SLC1A2: variants seen among roughly 807,000 people sequenced by gnomAD.
SLC1A2 encodes solute carrier family 1 member 2, also known as excitatory amino acid transporter 2.
A neutral mutation model predicts 48.8 loss-of-function variants in SLC1A2; 15 were observed. The observed-to-expected ratio is 0.31, with a 90% CI of 0.21 to 0.47. The LOEUF (loss-of-function observed/expected upper bound fraction) is 0.47, where lower values mean the gene tolerates loss of function less well. Among genes scored for constraint, SLC1A2 ranks in the 20% least tolerant of loss-of-function variants. The probability of loss-of-function intolerance (pLI) is 0.99; values close to 1 mark genes in which losing one functional copy is unlikely to be tolerated. For synonymous variants in SLC1A2, 279 were observed against 272.6 expected (o/e 1.02, Z -0.23); for missense variants, 502 against 730.5 (o/e 0.69, Z 3.61).
At chr11:35,361,270 C>G (rs182294043) in intron 1 of SLC1A2, among the ~76,000 whole-genome samples, 1 of 152,318 alleles carries the variant, frequency 6.6e-6, no homozygotes, top group Non-Finnish European at 1.5e-5. Context: ...ATTAAAGGCT[C>G]TGAGAAATTC....
chr11:35,350,484 A>G (rs1234655865), intron 1 of SLC1A2, among the ~76,000 whole-genome samples: 1 of 152,230 alleles, frequency 6.6e-6, no homozygotes, highest in African/African-American at 2.4e-5. Flanking sequence ...AAGAAGGGCT[A>G]AGGTTGTGAA....
At chr11:35,399,822 G>A (rs1192968669) in intron 1 of SLC1A2, 1 of 152,506 alleles carries the variant, frequency 6.6e-6, no homozygotes, top group African/African-American at 2.4e-5. Context: ...TAGAGAATGT[G>A]CTACAGTTTA....
At chr11:35,376,328 A>G (rs1854227597) in intron 1 of SLC1A2, among the ~76,000 whole-genome samples, 1 of 152,232 alleles carries the variant, frequency 6.6e-6, no homozygotes, top group Admixed American at 6.5e-5. Context: ...GGATCCTAGA[A>G]CAGAGAGAGA....
In SLC1A2 at chr11:35,258,037, C is replaced by G. The variant is rs1044428912; in HGVS notation, c.*2857G>C. The G allele has an allele frequency of 5.9e-5, 9 of 152,122 alleles. No individual in the cohort carries two copies. The highest frequency in any genetic ancestry group is 1.0e-4 in the Non-Finnish European group (7 of 68,020). The allele number at this position is 152,122 out of a possible 1,614,324, so 9.4% of individuals were successfully genotyped here. ...GAGGTATACCCTGGATCCATTTGTT[C>G]TGTTTATGGCACATATGCTGGGCAA... On this transcript the variant is annotated 3_prime_UTR_variant, in exon 11 of 11. Coordinates refer to ENST00000278379, the MANE Select transcript of SLC1A2 (RefSeq NM_004171.4).
intron 4 of SLC1A2, among the ~76,000 whole-genome samples, chr11:35,311,929 G>A (rs1465749035): frequency 5.0e-5 from 1 of 20,128 alleles, no homozygotes; most frequent in Non-Finnish European, 1.5e-4. Context: ...AGAGGCGGGG[G>A]GGGGGGGTGG....
intron 9 of SLC1A2, among the ~76,000 whole-genome samples, chr11:35,269,527 G>C (rs1347643661): frequency 1.3e-5 from 2 of 152,142 alleles, no homozygotes; most frequent in African/African-American, 4.8e-5. Flanking sequence ...TTATGCTAAA[G>C]GGTTAATGAC....
chr11:35,275,266 A>G (rs1429765272), intron 9 of SLC1A2, among the ~76,000 whole-genome samples: 1 of 152,220 alleles, frequency 6.6e-6, no homozygotes. Flanking sequence ...GAGCCCAGAA[A>G]AGATCTCACT....
chr11:35,416,761 A>G (rs1855613872), intron 1 of SLC1A2, among the ~76,000 whole-genome samples: 1 of 152,266 alleles, frequency 6.6e-6, no homozygotes, highest in Non-Finnish European at 1.5e-5. Flanking sequence ...AAGCTAACAA[A>G]GGAGACAGCC....
At position 35,419,276 on chromosome 11, in the gene SLC1A2, G is replaced by A. The variant is rs1421199522; in HGVS notation, c.-310C>T. On this transcript the variant is annotated 5_prime_UTR_variant, in exon 1 of 11. Transcript: ENST00000278379. This position sits in a 1 kb window ranked among gnomAD's most constrained non-coding sequence, Gnocchi z 5.4. ...CTTCCCCGAGAGAGCGATGCGCCCA[G>A]GGCTGCAGGAGGGCGCACGCCGGCG... The A allele has an allele frequency of 8.8e-6, 3 of 339,578 alleles. No individual in the cohort carries two copies. The East Asian group carries it at 1.5e-4, about 17-fold the overall frequency. The allele number at this position is 339,578 out of a possible 1,614,324, so 21.0% of individuals were successfully genotyped here.
intron 5 of SLC1A2, among the ~76,000 whole-genome samples, chr11:35,302,655 A>T (rs1851389466): frequency 6.6e-6 from 1 of 151,742 alleles, no homozygotes; most frequent in African/African-American, 2.4e-5. Context: ...TCTGCCCTAC[A>T]CTTTAGTTCC....
At chr11:35,383,398 A>G (rs1165341388) in intron 1 of SLC1A2, among the ~76,000 whole-genome samples, 3 of 152,202 alleles carry the variant, frequency 2.0e-5, no homozygotes, top group Admixed American at 1.3e-4. Context: ...AGAAAATGCT[A>G]TATGGCTTAA....
chr11:35,369,814 C>T (rs1459373213), intron 1 of SLC1A2, among the ~76,000 whole-genome samples: 3 of 152,146 alleles, frequency 2.0e-5, no homozygotes, highest in East Asian at 1.9e-4. Flanking sequence ...GGAGCTGGGG[C>T]AGGATAGCAT....
intron 1 of SLC1A2, among the ~76,000 whole-genome samples, chr11:35,338,607 C>T (rs893382289): frequency 5.9e-5 from 9 of 151,968 alleles, no homozygotes; most frequent in Non-Finnish European, 7.4e-5. Context: ...CCAGAGCTGC[C>T]GGGAGCTTAT....
At chr11:35,416,779 T>C (rs1264010013) in intron 1 of SLC1A2, among the ~76,000 whole-genome samples, 1 of 152,122 alleles carries the variant, frequency 6.6e-6, no homozygotes, top group Admixed American at 6.5e-5. Flanking sequence ...GCCTGAGGAG[T>C]CTTAGTAAAT....
chr11:35,395,468 G>C (rs1227964819), intron 1 of SLC1A2, among the ~76,000 whole-genome samples: 2 of 152,098 alleles, frequency 1.3e-5, no homozygotes, highest in East Asian at 3.9e-4. Flanking sequence ...GGGAAGGTAA[G>C]AGACCCCAAG....
At chr11:35,328,625 G>A (rs1039662168) in intron 1 of SLC1A2, among the ~76,000 whole-genome samples, 2 of 152,168 alleles carry the variant, frequency 1.3e-5, no homozygotes, top group African/African-American at 4.8e-5. Flanking sequence ...CCTCCAGCCC[G>A]AGAAAACTTG....
chr11:35,410,944 A>C (rs1855440994), intron 1 of SLC1A2, among the ~76,000 whole-genome samples: 1 of 152,180 alleles, frequency 6.6e-6, no homozygotes. Context: ...GCTTCCTGGG[A>C]CCAACCAATG....
chr11:35,262,644 A>G (rs1023354240), intron 10 of SLC1A2, among the ~76,000 whole-genome samples: 2 of 152,266 alleles, frequency 1.3e-5, no homozygotes, highest in Admixed American at 6.5e-5. Context: ...ATTTATCTCC[A>G]TGGCTCTGGC....
At chr11:35,343,256 C>T (rs938063107) in intron 1 of SLC1A2, among the ~76,000 whole-genome samples, 2 of 152,204 alleles carry the variant, frequency 1.3e-5, no homozygotes, top group Non-Finnish European at 2.9e-5. Context: ...TGGCTAGGAC[C>T]GACTGGACCC....
Sources: allele counts gnomAD v4.1 joint callset (sites outside exome capture counted in the v4.1 genomes callset), GRCh38; gene constraint gnomAD v4.1.1; non-coding constraint Gnocchi (gnomAD v3.1); transcripts MANE v1.5; gene names NCBI Gene and HGNC (gene_info 2026-07-23, HGNC 2026-07-21).